Variants in BCL2L11 observed in about 807,000 individuals in gnomAD.
BCL2L11 encodes BCL2 like 11.
In BCL2L11, 15 loss-of-function variants were observed where a neutral mutation model predicts 20.6. The observed-to-expected ratio is 0.73, with a 90% CI of 0.49 to 1.12. BCL2L11 has a LOEUF of 1.12. Ranked by LOEUF, BCL2L11 falls within the 50% of genes most tolerant of loss-of-function variation. The probability of loss-of-function intolerance (pLI) is 0.00; values close to 1 mark genes in which losing one functional copy is unlikely to be tolerated. For synonymous variants in BCL2L11, 108 were observed against 92.8 expected (o/e 1.16, Z -0.94); for missense variants, 292 against 260.9 (o/e 1.12, Z -0.82).
chr2:111,146,129 C>A, intron 2 of BCL2L11: 1 of 985,146 alleles, frequency 1.0e-6, no homozygotes, highest in Non-Finnish European at 1.2e-6. Flanking sequence ...GAAGTGCTTT[C>A]ATAAATGCTG....
At chr2:111,161,981 T>A (rs1431667918) in intron 3 of BCL2L11, among the ~76,000 whole-genome samples, 1 of 152,242 alleles carries the variant, frequency 6.6e-6, no homozygotes, top group East Asian at 1.9e-4. Flanking sequence ...TTTGCCCCAC[T>A]GCAGCTTTTG....
intron 3 of BCL2L11, among the ~76,000 whole-genome samples, chr2:111,158,807 T>C (rs1309020688): frequency 6.6e-6 from 1 of 152,238 alleles, no homozygotes; most frequent in Non-Finnish European, 1.5e-5. Flanking sequence ...TGTGGCTCTC[T>C]TACAGCACAT....
chr2:111,120,974 G>C lies in BCL2L11; in HGVS notation c.-228G>C. 3.5e-6 allele frequency: 1 copy of C among 282,120 alleles called. No individual in the cohort carries two copies. The highest frequency in any genetic ancestry group is 4.6e-5 in the South Asian group (1 of 21,566). 17.5% of individuals were successfully genotyped at this position (282,120 alleles called of 1,614,324 possible). On this transcript the variant is annotated 5_prime_UTR_variant, in exon 1 of 4. Transcript: ENST00000393256. ...TTGGAGCTCTGCGTCCAGCGCCGCTGCCGCTGCCGCCGCCGCCGCCGCCGC... is the reference window on the plus strand; with the variant it reads ...TTGGAGCTCTGCGTCCAGCGCCGCTCCCGCTGCCGCCGCCGCCGCCGCCGC...
At chr2:111,145,674 TTTG>T (rs766781867) in intron 2 of BCL2L11, among the ~76,000 whole-genome samples, 13 of 152,166 alleles carry the variant, frequency 8.5e-5, no homozygotes, top group Non-Finnish European at 1.3e-4. Context: ...GCCAGAATAG[TTTG>T]TTAAGAAACA....
Position 111,150,102 on chromosome 2 carries a change from G to A in BCL2L11, c.453G>A (p.Glu151=), listed in dbSNP as rs2077068883. 4 of 1,614,072 alleles carry A rather than the reference G, an allele frequency of 2.5e-6. No homozygotes were observed. Among genetic ancestry groups the A allele is most frequent in the Non-Finnish European group, 3.4e-6 (4 of 1,179,950 alleles). The change falls in exon 3 of 4, where the codon GAG becomes GAA. Residue 151 remains glutamate, a synonymous_variant. Transcript: ENST00000393256. ...DMRPEIWIAQ[E]LRRIGDEFNA... is the part of the protein sequence containing the mutation. ...GCCCAGAGATATGGATCGCCCAAGA[G>A]TTGCGGCGTATTGGAGACGAGTTTA...
At chr2:111,161,304 T>G in intron 3 of BCL2L11, 18 of 1,275,370 alleles carry the variant, frequency 1.4e-5, no homozygotes, top group Non-Finnish European at 1.8e-5. Context: ...TCTTCCCTGA[T>G]TGTATTTATT....
intron 3 of BCL2L11, among the ~76,000 whole-genome samples, chr2:111,160,642 T>G (rs1021355789): frequency 2.6e-5 from 4 of 152,172 alleles, no homozygotes; most frequent in Non-Finnish European, 5.9e-5. Context: ...GGGGCCCTCC[T>G]CTTTGTGCAC....
Position 111,124,293 on chromosome 2 carries a change from C to CT in BCL2L11, c.394+170dup, listed in dbSNP as rs375204950. Among the ~76,000 whole-genome samples the CT allele has an allele frequency of 4.0e-3, 568 of 142,750 alleles. 3 individuals carry two copies. Among genetic ancestry groups the CT allele is most frequent in the Non-Finnish European group, 6.0e-3 (390 of 64,778 alleles). 93.6% of individuals were successfully genotyped at this position (142,750 alleles called of 152,430 possible). On this transcript the variant is annotated intron_variant, in intron 2 of 3. Coordinates refer to ENST00000393256, the MANE Select transcript of BCL2L11 (RefSeq NM_138621.5). ...AGGATGTGTCAAACTATCAAACCAA[C>CT]TTTTTTTTTTTTTTTTGAGATGAGT...
At chr2:111,122,445 C>T (rs947532075) in intron 1 of BCL2L11, among the ~76,000 whole-genome samples, 5 of 152,320 alleles carry the variant, frequency 3.3e-5, no homozygotes, top group South Asian at 2.1e-4. Context: ...GAGCAGCGCT[C>T]GGAGGCGAGT....
chr2:111,123,118 G>A (rs1191126200), intron 1 of BCL2L11: 7 of 982,710 alleles, frequency 7.1e-6, no homozygotes, highest in Non-Finnish European at 8.5e-6. Flanking sequence ...TGTCTGATTC[G>A]GTGCGGCGTG....
At chr2:111,161,303 A>T in intron 3 of BCL2L11, 1 of 1,299,724 alleles carries the variant, frequency 7.7e-7, no homozygotes, top group African/African-American at 1.5e-5. Context: ...ATCTTCCCTG[A>T]TTGTATTTAT....
rs577895711 is a variant in BCL2L11, at chr2:111,167,913, T to C, written c.*3682T>C. The C allele has an allele frequency of 6.5e-6, 1 of 152,744 alleles. No homozygotes were observed. The highest frequency in any genetic ancestry group is 6.5e-5 in the Admixed American group (1 of 15,290). 9.5% of individuals were successfully genotyped at this position (152,744 alleles called of 1,614,324 possible). A position where few individuals can be genotyped will look rare whatever the true frequency, so the allele number is the denominator to read the frequency against. ...CTGGGTGTCAAGATGTGAAAGCTTA[T>C]GGGAGCTTTAAGGAGACTTCATGGT... On this transcript the variant is annotated 3_prime_UTR_variant, in exon 4 of 4. Transcript: ENST00000393256.
chr2:111,150,169 G>A lies in BCL2L11; in HGVS notation c.498+22G>A, dbSNP rs748511558. 1.6e-5 allele frequency: 26 copies of A among 1,609,850 alleles called. 1 individual carries two copies. Among genetic ancestry groups the A allele is most frequent in the African/African-American group, 1.1e-4 (8 of 74,766 alleles). ...GAGGGTAATGATGTTTTCTTTACCC[G>A]CTTTTCTGCTCACACCCTCCCCTTC... is the stretch of plus-strand genomic sequence containing the variant. On this transcript the variant is annotated intron_variant, in intron 3 of 3. Coordinates refer to ENST00000393256, the MANE Select transcript of BCL2L11 (RefSeq NM_138621.5).
At chr2:111,122,403 C>G (rs2071244980) in intron 1 of BCL2L11, among the ~76,000 whole-genome samples, 1 of 152,130 alleles carries the variant, frequency 6.6e-6, no homozygotes, top group Admixed American at 6.5e-5. Flanking sequence ...TCAAATCCTC[C>G]GACGAAGCGG....
intron 2 of BCL2L11, among the ~76,000 whole-genome samples, chr2:111,127,443 A>C (rs577207218): frequency 8.0e-4 from 97 of 120,950 alleles, no homozygotes; most frequent in African/African-American, 3.1e-3. Context: ...TTTTTTCCTC[A>C]GCGTCTTGTG....
chr2:111,139,653 T>G (rs139813988), intron 2 of BCL2L11, among the ~76,000 whole-genome samples: 3 of 152,328 alleles, frequency 2.0e-5, no homozygotes, highest in Non-Finnish European at 4.4e-5. Context: ...GGTAACCTTT[T>G]TTCACACACT....
chr2:111,153,791 G>A, intron 3 of BCL2L11: 1 of 1,552,226 alleles, frequency 6.4e-7, no homozygotes, highest in South Asian at 1.2e-5. Context: ...TAGAGAAATA[G>A]AGGAAGTTGT....
rs987215392 is a variant in BCL2L11 at position 111,128,301 on chromosome 2, C to G, written c.394+4162C>G. Among the ~76,000 whole-genome samples, 2 of 152,070 alleles carry G rather than the reference C, an allele frequency of 1.3e-5. 1 individual carries two copies. Among genetic ancestry groups the G allele is most frequent in the East Asian group, 3.9e-4 (2 of 5,142 alleles). The stretch of plus-strand genomic sequence containing the variant: ...TTCCTTTTTAAGGCTGAAGGTTGTT[C>G]CAGTGTGTGTATATCACATACTTCA... On this transcript the variant is annotated intron_variant, in intron 2 of 3. Coordinates refer to ENST00000393256, the MANE Select transcript of BCL2L11 (RefSeq NM_138621.5).
chr2:111,155,844 G>C (rs2077771030), intron 3 of BCL2L11, among the ~76,000 whole-genome samples: 1 of 152,204 alleles, frequency 6.6e-6, no homozygotes, highest in Non-Finnish European at 1.5e-5. Flanking sequence ...ACTCTGTCCA[G>C]GGCATGTGCA....
Sources: allele counts gnomAD v4.1 joint callset (sites outside exome capture counted in the v4.1 genomes callset), GRCh38; gene constraint gnomAD v4.1.1; transcripts MANE v1.5; gene names NCBI Gene and HGNC (gene_info 2026-07-23, HGNC 2026-07-21).